MTREX: variants seen among roughly 807,000 people sequenced by gnomAD.
The protein encoded by MTREX is Mtr4 exosome RNA helicase.
Under a neutral mutation model 135.4 loss-of-function variants are expected in MTREX, and 76 were observed. That is an observed-to-expected ratio of 0.56 (90% CI 0.47 to 0.68). The LOEUF is 0.68. MTREX is among the 30% of genes least tolerant of loss of function. MTREX has a pLI of 0.00. For synonymous variants in MTREX, 404 were observed against 401.6 expected, an observed-to-expected ratio of 1.01 and a Z score of -0.07; for missense variants, 920 against 1,262.1, an observed-to-expected ratio of 0.73 and a Z score of 4.11.
intron 5 of MTREX, among the ~76,000 whole-genome samples, chr5:55,338,306 A>C (rs1005227127): frequency 1.3e-5 from 2 of 152,188 alleles, no homozygotes; most frequent in East Asian, 3.9e-4. Flanking sequence ...TTTCCCCTTC[A>C]ACTCCAGATA....
rs1750927538 is a variant in MTREX, at chr5:55,414,041, A to G, written c.2752-141A>G. The G allele has an allele frequency of 9.4e-6, 5 of 530,178 alleles. No individual in the cohort carries two copies. The East Asian group carries it at 1.6e-4, about 17-fold the overall frequency. 32.8% of individuals were successfully genotyped at this position (530,178 alleles called of 1,614,324 possible). ...TGCCTGTGTAAACTGAATTGATTAGAAACTCTAAATGCTGATGACTAAGGT... is the reference window on the plus strand; with the variant it reads ...TGCCTGTGTAAACTGAATTGATTAGGAACTCTAAATGCTGATGACTAAGGT... On this transcript the variant is annotated intron_variant, in intron 23 of 26. Coordinates refer to ENST00000230640, the MANE Select transcript of MTREX (RefSeq NM_015360.5).
intron 1 of MTREX, among the ~76,000 whole-genome samples, chr5:55,310,522 G>A (rs1050845493): frequency 6.6e-6 from 1 of 152,182 alleles, no homozygotes; most frequent in South Asian, 2.1e-4. Flanking sequence ...ACAAGAGAAT[G>A]GCTTGAACCT....
chr5:55,341,650 A>G, intron 6 of MTREX, 31 bp from the exon 7 acceptor site: 3 of 1,251,780 alleles, frequency 2.4e-6, no homozygotes, highest in Non-Finnish European at 3.4e-6. Flanking sequence ...GTCAGAATCC[A>G]ACTAAATACA....
At chr5:55,339,009 C>T (rs1179712589) in intron 5 of MTREX, among the ~76,000 whole-genome samples, 1 of 151,894 alleles carries the variant, frequency 6.6e-6, no homozygotes, top group Non-Finnish European at 1.5e-5. Context: ...CAAGGCTGGT[C>T]TCGAACTCTT....
At chr5:55,322,819 T>G (rs921702521) in intron 2 of MTREX, among the ~76,000 whole-genome samples, 1 of 152,046 alleles carries the variant, frequency 6.6e-6, no homozygotes, top group African/African-American at 2.4e-5. Flanking sequence ...AAGGAATAAG[T>G]GGGAAGGAAC....
At chr5:55,377,390 A>G (rs556836117) in intron 16 of MTREX, among the ~76,000 whole-genome samples, 16 of 152,340 alleles carry the variant, frequency 1.1e-4, no homozygotes, top group Middle Eastern at 3.4e-3. Flanking sequence ...TAAAAATCCA[A>G]TATTAGTTAA....
intron 9 of MTREX, 147 bp from the exon 10 acceptor site, chr5:55,344,947 C>T (rs1749706061): frequency 4.9e-6 from 3 of 607,258 alleles, no homozygotes; most frequent in South Asian, 4.8e-5. Flanking sequence ...CTTTTAATAC[C>T]TCTTACCACA....
At chr5:55,315,675 A>C (rs116188016) in intron 1 of MTREX, among the ~76,000 whole-genome samples, 236 of 152,214 alleles carry the variant, frequency 1.6e-3, no homozygotes, top group African/African-American at 5.5e-3. Context: ...ACTTCATACA[A>C]ATCTCCATCA....
chr5:55,386,107 A>AGG (rs1475658001), intron 18 of MTREX, among the ~76,000 whole-genome samples: 1 of 152,236 alleles, frequency 6.6e-6, no homozygotes, highest in African/African-American at 2.4e-5. Flanking sequence ...CCAGAGGCAG[A>AGG]GGGAGTATCC....
chr5:55,379,451 C>T (rs1235686006), intron 18 of MTREX, among the ~76,000 whole-genome samples: 2 of 152,066 alleles, frequency 1.3e-5, no homozygotes, highest in African/African-American at 4.8e-5. Context: ...TCCCAAAGTG[C>T]TGGGATTACA....
At chr5:55,418,005 C>T (rs948889833) in intron 25 of MTREX, among the ~76,000 whole-genome samples, 14 of 151,004 alleles carry the variant, frequency 9.3e-5, no homozygotes, top group East Asian at 1.9e-4. Flanking sequence ...GAGGCCGAGG[C>T]GGGCGGATCA....
At chr5:55,384,030 C>CA (rs1750440125) in intron 18 of MTREX, among the ~76,000 whole-genome samples, 1 of 152,178 alleles carries the variant, frequency 6.6e-6, no homozygotes, top group Non-Finnish European at 1.5e-5. Context: ...CTTGGTCTCT[C>CA]AAAGTCCTGG....
chr5:55,420,883 C>G (rs1216311993), intron 25 of MTREX, among the ~76,000 whole-genome samples: 2 of 152,082 alleles, frequency 1.3e-5, no homozygotes, highest in African/African-American at 4.8e-5. Context: ...TGAGTTCTTC[C>G]AGAATGTAGT....
At position 55,424,887 on chromosome 5, in the gene MTREX, A is replaced by G; in HGVS notation, c.*115A>G. 1.4e-6 allele frequency: 1 copy of G among 714,318 alleles called. No individual in the cohort carries two copies. The highest frequency in any genetic ancestry group is 2.4e-6 in the Non-Finnish European group (1 of 421,940). The allele number at this position is 714,318 out of a possible 1,614,324, so 44.2% of individuals were successfully genotyped here. A position where few individuals can be genotyped will look rare whatever the true frequency, so the allele number is the denominator to read the frequency against. ...TCCCATACATTTTAATATGTATTAT[A>G]TTTAAATCAAACATCATTCATAGAA... On this transcript the variant is annotated 3_prime_UTR_variant, in exon 27 of 27. Coordinates refer to ENST00000230640, the MANE Select transcript of MTREX (RefSeq NM_015360.5).
chr5:55,309,268 A>G (rs1034245802), intron 1 of MTREX, among the ~76,000 whole-genome samples: 1 of 152,192 alleles, frequency 6.6e-6, no homozygotes, highest in African/African-American at 2.4e-5. Flanking sequence ...CTTGAATATC[A>G]AGCAGAGGAG....
intron 22 of MTREX, among the ~76,000 whole-genome samples, chr5:55,408,656 T>A (rs1482232404): frequency 6.6e-6 from 1 of 152,178 alleles, no homozygotes; most frequent in African/African-American, 2.4e-5. Context: ...GAACCCTGAT[T>A]ATAGAAGTCT....
Position 55,425,300 on chromosome 5 carries a change from G to C in MTREX, c.*528G>C. 1 of 1,608,178 alleles carries C rather than the reference G, an allele frequency of 6.2e-7. No homozygotes were observed. The highest frequency in any genetic ancestry group is 1.3e-5 in the African/African-American group (1 of 74,846). ...CTCCTCTTTTCTTTCTTTAAAAGAAGTTCTTTCTTTGAAGAAATCCGATAC... is the reference window on the plus strand; with the variant it reads ...CTCCTCTTTTCTTTCTTTAAAAGAACTTCTTTCTTTGAAGAAATCCGATAC... On this transcript the variant is annotated 3_prime_UTR_variant, in exon 27 of 27. Transcript: ENST00000230640.
chr5:55,405,869 A>G (rs1012146428), intron 22 of MTREX, among the ~76,000 whole-genome samples: 3 of 152,192 alleles, frequency 2.0e-5, no homozygotes, highest in Non-Finnish European at 4.4e-5. Context: ...AAAATCTTAG[A>G]TCTCAGTAAT....
At chr5:55,344,676 CTTGTTG>C in intron 9 of MTREX, 56 bp downstream of exon 9, 1 of 992,614 alleles carries the variant, frequency 1.0e-6, no homozygotes, top group East Asian at 2.7e-5. Flanking sequence ...TTATTAATAT[CTTGTTG>C]TTGTTGTTTT....
Sources: gnomAD v4.1 joint callset for allele counts (sites outside exome capture counted in the v4.1 genomes callset) on GRCh38, gnomAD v4.1.1 for gene constraint, MANE v1.5 for transcripts, NCBI Gene and HGNC (gene_info 2026-07-23, HGNC 2026-07-21) for gene names.